The following DLGAP1 variants were observed in gnomAD, a reference collection of about 807,000 sequenced individuals.
DLGAP1 encodes disks large-associated protein 1.
In DLGAP1, 11 loss-of-function variants were observed where a neutral mutation model predicts 90.8. That is an observed-to-expected ratio of 0.12 (90% CI 0.08 to 0.20). The LOEUF (loss-of-function observed/expected upper bound fraction) is 0.20. DLGAP1 is among the 10% of genes least tolerant of loss of function. DLGAP1 has a pLI of 1.00. For synonymous variants in DLGAP1, 558 were observed against 540.7 expected (o/e 1.03, Z -0.44); for missense variants, 1,050 against 1,333.8 (o/e 0.79, Z 3.31).
At chr18:3,816,553 T>A (rs992203424) in intron 4 of DLGAP1, among the ~76,000 whole-genome samples, 1 of 152,240 alleles carries the variant, frequency 6.6e-6, no homozygotes, top group Non-Finnish European at 1.5e-5. Flanking sequence ...CTAACCAAGA[T>A]GAAGCATCAC....
intron 7 of DLGAP1, among the ~76,000 whole-genome samples, chr18:3,685,446 C>A (rs995209169): frequency 6.6e-6 from 1 of 151,832 alleles, no homozygotes; most frequent in African/African-American, 2.4e-5. Flanking sequence ...CACCTATGGT[C>A]CCAGCTACTT....
At chr18:3,568,958 T>C (rs2054601714) in intron 8 of DLGAP1, among the ~76,000 whole-genome samples, 1 of 151,312 alleles carries the variant, frequency 6.6e-6, no homozygotes, top group South Asian at 2.1e-4. Context: ...AGTGCTGGGA[T>C]TACAGCCATG....
At chr18:3,734,135 T>A (rs760694073) in intron 6 of DLGAP1, among the ~76,000 whole-genome samples, 1 of 152,220 alleles carries the variant, frequency 6.6e-6, no homozygotes, top group Admixed American at 6.5e-5. Context: ...CTTGTTCTGT[T>A]CCTTTGATTT....
chr18:3,914,527 C>T (rs1300479795), intron 3 of DLGAP1, among the ~76,000 whole-genome samples: 3 of 152,210 alleles, frequency 2.0e-5, no homozygotes, highest in African/African-American at 7.2e-5. Context: ...CTCCCTTCAA[C>T]TACTGATTTC....
intron 1 of DLGAP1, among the ~76,000 whole-genome samples, chr18:4,331,890 T>C (rs531660656): frequency 6.6e-6 from 1 of 152,022 alleles, no homozygotes; most frequent in South Asian, 2.1e-4. Flanking sequence ...CAAATATTTG[T>C]TCAATGCATA....
chr18:3,766,281 CAT>C (rs2064239806), intron 5 of DLGAP1, among the ~76,000 whole-genome samples: 1 of 152,076 alleles, frequency 6.6e-6, no homozygotes, highest in Non-Finnish European at 1.5e-5. Context: ...ATCAGGAAGA[CAT>C]AGCAATCTTA....
At chr18:3,720,894 A>AAAAAAAAAAAG (rs1389236463) in intron 7 of DLGAP1, among the ~76,000 whole-genome samples, 5 of 145,538 alleles carry the variant, frequency 3.4e-5, no homozygotes, top group African/African-American at 1.0e-4. Flanking sequence ...TCTACAAAAA[A>AAAAAAAAAAAG]AAAAAAAAAA....
At position 4,071,591 on chromosome 18, in the gene DLGAP1, G is replaced by A. The variant is rs2075447934; in HGVS notation, c.-158-66390C>T. Among the ~76,000 whole-genome samples, 3 of 150,178 alleles carry A rather than the reference G, an allele frequency of 2.0e-5. No homozygotes were observed. The South Asian group carries it at 6.4e-4, about 32-fold the overall frequency. ...TACACAGCCATCACCGCATTCTAAG[G>A]TAGAATTACCTCTAATAATAGTCCC... On this transcript the variant is annotated intron_variant, in intron 2 of 12. Coordinates refer to ENST00000315677, the MANE Select transcript of DLGAP1 (RefSeq NM_004746.4).
chr18:3,497,730 A>T lies in DLGAP1; in HGVS notation c.*1455T>A, dbSNP rs778616922. On this transcript the variant is annotated 3_prime_UTR_variant, in exon 13 of 13. Coordinates refer to ENST00000315677, the MANE Select transcript of DLGAP1 (RefSeq NM_004746.4). ...TGTTTAAACTGTGACGAGTAAGGGCATTTAAAGACAACTTCAGCTAGACAC... is the reference window on the plus strand; with the variant it reads ...TGTTTAAACTGTGACGAGTAAGGGCTTTTAAAGACAACTTCAGCTAGACAC... 7 of 152,234 alleles carry T rather than the reference A, an allele frequency of 4.6e-5. No homozygotes were observed. The highest frequency in any genetic ancestry group is 8.8e-5 in the Non-Finnish European group (6 of 68,036). 9.4% of individuals were successfully genotyped at this position (152,234 alleles called of 1,614,324 possible).
chr18:3,977,148 C>T (rs2073599584), intron 3 of DLGAP1, among the ~76,000 whole-genome samples: 1 of 152,110 alleles, frequency 6.6e-6, no homozygotes, highest in Non-Finnish European at 1.5e-5. Context: ...CATCTCGGCT[C>T]ACTGCAACCT....
chr18:3,791,266 T>G (rs2065720829), intron 5 of DLGAP1, among the ~76,000 whole-genome samples: 1 of 152,240 alleles, frequency 6.6e-6, no homozygotes, highest in African/African-American at 2.4e-5. Flanking sequence ...ATGATGATAA[T>G]TACTAATCAA....
chr18:4,104,339 G>A (rs2075825682), intron 2 of DLGAP1, among the ~76,000 whole-genome samples: 1 of 152,034 alleles, frequency 6.6e-6, no homozygotes, highest in Non-Finnish European at 1.5e-5. Context: ...TTTCAGATGT[G>A]TACAAAATAT....
chr18:4,201,363 G>A (rs1312014719), intron 1 of DLGAP1, among the ~76,000 whole-genome samples: 4 of 151,942 alleles, frequency 2.6e-5, no homozygotes, highest in Non-Finnish European at 5.9e-5. Flanking sequence ...TTCCAGCACC[G>A]TTTATTGAAT....
chr18:3,697,671 G>C (rs2061141127), intron 7 of DLGAP1, among the ~76,000 whole-genome samples: 1 of 152,172 alleles, frequency 6.6e-6, no homozygotes, highest in African/African-American at 2.4e-5. Flanking sequence ...TGTTGATTCA[G>C]AGTGGGAGAG....
At chr18:4,010,524 A>T (rs2074396279) in intron 2 of DLGAP1, among the ~76,000 whole-genome samples, 1 of 152,184 alleles carries the variant, frequency 6.6e-6, no homozygotes, top group African/African-American at 2.4e-5. Flanking sequence ...CTCCAGCCTG[A>T]GTGACAGTGA....
chr18:4,247,907 CTT>C (rs1401563851), intron 1 of DLGAP1, among the ~76,000 whole-genome samples: 4 of 152,136 alleles, frequency 2.6e-5, no homozygotes, highest in Non-Finnish European at 4.4e-5. Context: ...GGTTTTCACT[CTT>C]ATTTCTATTT....
chr18:3,647,255 AAAAT>A (rs111658352), intron 7 of DLGAP1, among the ~76,000 whole-genome samples: 1 of 149,976 alleles, frequency 6.7e-6, no homozygotes, highest in Non-Finnish European at 1.5e-5. Flanking sequence ...AATCCATCTC[AAAAT>A]AAATAAATAA....
chr18:4,448,189 G>A (rs79627487), intron 1 of DLGAP1, among the ~76,000 whole-genome samples: 2,065 of 152,176 alleles, frequency 0.014, 39 homozygotes, highest in South Asian at 0.04. Context: ...CTCATTCTCT[G>A]TTGAGCCCCT....
intron 2 of DLGAP1, among the ~76,000 whole-genome samples, chr18:4,037,993 T>C (rs776406410): frequency 8.5e-5 from 13 of 152,200 alleles, no homozygotes; most frequent in Non-Finnish European, 1.6e-4. Context: ...TGCCATGTGA[T>C]CAGAGGCAAA....
Sources: gnomAD v4.1 joint callset for allele counts (sites outside exome capture counted in the v4.1 genomes callset) on GRCh38, gnomAD v4.1.1 for gene constraint, MANE v1.5 for transcripts, NCBI Gene and HGNC (gene_info 2026-07-23, HGNC 2026-07-21) for gene names.